The following BAIAP2L1 variants were observed in gnomAD, a reference collection of about 807,000 sequenced individuals.
BAIAP2L1 encodes BAR/IMD domain-containing adapter protein 2-like 1.
In BAIAP2L1, 35 loss-of-function variants were observed where a neutral mutation model predicts 66.3. The ratio of observed to expected loss-of-function variants is 0.53; its 90% CI spans 0.40 to 0.70. The LOEUF (loss-of-function observed/expected upper bound fraction) is 0.70, where lower values mean the gene tolerates loss of function less well. BAIAP2L1 is among the 30% of genes least tolerant of loss of function. The pLI is 0.00. For synonymous variants in BAIAP2L1, 269 were observed against 248.7 expected (o/e 1.08, Z -0.77); for missense variants, 622 against 656.9 (o/e 0.95, Z 0.58).
At chr7:98,370,554 T>G (rs1380858071) in intron 1 of BAIAP2L1, among the ~76,000 whole-genome samples, 1 of 151,418 alleles carries the variant, frequency 6.6e-6, no homozygotes, top group Non-Finnish European at 1.5e-5. Flanking sequence ...GCCCAGGGAG[T>G]GCAGTGGCGC....
intron 3 of BAIAP2L1, among the ~76,000 whole-genome samples, chr7:98,324,807 T>C (rs1226379506): frequency 6.6e-6 from 1 of 152,174 alleles, no homozygotes; most frequent in Non-Finnish European, 1.5e-5. Context: ...GGACTATTAA[T>C]ATATTTTCTT....
At chr7:98,315,635 A>AATAATC (rs1313840999) in intron 6 of BAIAP2L1, 23 bp from the exon 7 acceptor site, 1 of 1,097,260 alleles carries the variant, frequency 9.1e-7, no homozygotes, top group Non-Finnish European at 1.2e-6. Flanking sequence ...AAATAATAAT[A>AATAATC]ATAATAATTA....
intron 3 of BAIAP2L1, among the ~76,000 whole-genome samples, chr7:98,331,538 G>GGCTCACCGTGACCTCC (rs1562976100): frequency 2.8e-5 from 4 of 144,896 alleles, no homozygotes; most frequent in African/African-American, 1.0e-4. Flanking sequence ...GCGTGATCTC[G>GGCTCACCGTGACCTCC]GCTCACCGTG....
chr7:98,341,365 C>A (rs746933042), intron 3 of BAIAP2L1, among the ~76,000 whole-genome samples: 7 of 140,540 alleles, frequency 5.0e-5, no homozygotes, highest in Non-Finnish European at 9.6e-5. Context: ...GCAGGAAAAT[C>A]TGACAGCCAT....
chr7:98,329,113 G>A (rs926433274), intron 3 of BAIAP2L1, among the ~76,000 whole-genome samples: 1 of 152,084 alleles, frequency 6.6e-6, no homozygotes, highest in African/African-American at 2.4e-5. Flanking sequence ...AAAAACAATC[G>A]CAAAGGCACT....
At chr7:98,387,168 A>C (rs1211983568) in intron 1 of BAIAP2L1, among the ~76,000 whole-genome samples, 1 of 152,136 alleles carries the variant, frequency 6.6e-6, no homozygotes, top group Non-Finnish European at 1.5e-5. Flanking sequence ...GGAAGGAGCA[A>C]GGATGTTTAA....
At chr7:98,298,465 T>G (rs79685422) in intron 12 of BAIAP2L1, among the ~76,000 whole-genome samples, 1 of 151,958 alleles carries the variant, frequency 6.6e-6, no homozygotes, top group Non-Finnish European at 1.5e-5. Context: ...ACAAAAAACT[T>G]AGCCAGGCGT....
At chr7:98,340,793 G>GTTT (rs11455938) in intron 3 of BAIAP2L1, among the ~76,000 whole-genome samples, 46 of 138,040 alleles carry the variant, frequency 3.3e-4, no homozygotes, top group African/African-American at 1.0e-3. Context: ...GCTCTTACAG[G>GTTT]TTTTTTTTTT....
chr7:98,379,774 T>C (rs558405614), intron 1 of BAIAP2L1, among the ~76,000 whole-genome samples: 6 of 152,232 alleles, frequency 3.9e-5, no homozygotes, highest in Non-Finnish European at 5.9e-5. Flanking sequence ...CTCTACAACA[T>C]AGATAAAACC....
intron 10 of BAIAP2L1, chr7:98,307,344 G>A: frequency 9.4e-7 from 1 of 1,062,442 alleles, no homozygotes; most frequent in Non-Finnish European, 1.2e-6. Flanking sequence ...AACCTCAGGT[G>A]ATCTGCCCGC....
chr7:98,308,134 G>A (rs755915189), intron 9 of BAIAP2L1: 10 of 644,722 alleles, frequency 1.6e-5, no homozygotes, highest in South Asian at 3.0e-5. Context: ...GGATCCCTGC[G>A]GCTGCGGGCT....
chr7:98,393,242 A>C (rs1803113816), intron 1 of BAIAP2L1, among the ~76,000 whole-genome samples: 1 of 151,192 alleles, frequency 6.6e-6, no homozygotes, highest in African/African-American at 2.4e-5. Context: ...GGGTTTCGCC[A>C]TGTTGGCTAG....
chr7:98,378,514 C>CA (rs1296307121), intron 1 of BAIAP2L1, among the ~76,000 whole-genome samples: 5 of 152,240 alleles, frequency 3.3e-5, no homozygotes, highest in Non-Finnish European at 7.3e-5. Context: ...CAAATGGTGG[C>CA]AACCCCAGCC....
chr7:98,340,449 G>A (rs1801714532), intron 3 of BAIAP2L1, among the ~76,000 whole-genome samples: 2 of 151,546 alleles, frequency 1.3e-5, no homozygotes, highest in African/African-American at 2.4e-5. Context: ...CACCACTCCC[G>A]GCTAATTTTT....
intron 1 of BAIAP2L1, chr7:98,386,728 T>C: frequency 3.4e-6 from 2 of 588,820 alleles, no homozygotes; most frequent in South Asian, 4.3e-5. Flanking sequence ...GGTGACAGAG[T>C]CTCGCTCTGT....
At chr7:98,392,671 T>TG (rs1803073371) in intron 1 of BAIAP2L1, among the ~76,000 whole-genome samples, 1 of 152,086 alleles carries the variant, frequency 6.6e-6, no homozygotes, top group African/African-American at 2.4e-5. Context: ...TGGAGTCCTG[T>TG]GCAGTCATCA....
chr7:98,385,991 C>G lies in BAIAP2L1; in HGVS notation c.51+14811G>C, dbSNP rs960436880. ...TGGAGAGGATAAATAGACTGGCAAG[C>G]CTTTTCTATGTCTTTTCCAATGCTG... On this transcript the variant is annotated intron_variant, in intron 1 of 13. Transcript: ENST00000005260. 215 of 1,473,340 alleles carry G rather than the reference C, an allele frequency of 1.5e-4. No individual in the cohort carries two copies. In the East Asian group the frequency reaches 2.4e-3, roughly 17 times the overall value. 91.3% of individuals were successfully genotyped at this position (1,473,340 alleles called of 1,614,324 possible). A position where few individuals can be genotyped will look rare whatever the true frequency, so the allele number is the denominator to read the frequency against.
At chr7:98,311,784 T>C (rs549860242) in intron 8 of BAIAP2L1, among the ~76,000 whole-genome samples, 1 of 152,018 alleles carries the variant, frequency 6.6e-6, no homozygotes, top group East Asian at 1.9e-4. Flanking sequence ...TGCGCCCCAG[T>C]AATCCCAGCT....
chr7:98,301,475 G>GTGTATA (rs1554409905), intron 12 of BAIAP2L1, among the ~76,000 whole-genome samples: 4 of 142,298 alleles, frequency 2.8e-5, no homozygotes, highest in South Asian at 2.2e-4. Context: ...TTTTTTTTTG[G>GTGTATA]TATATATATA....
Sources: gnomAD v4.1 joint callset for allele counts (sites outside exome capture counted in the v4.1 genomes callset) on GRCh38, gnomAD v4.1.1 for gene constraint, MANE v1.5 for transcripts, NCBI Gene and HGNC (gene_info 2026-07-23, HGNC 2026-07-21) for gene names.